The following ANKRD55 variants were observed in gnomAD, a reference collection of about 807,000 sequenced individuals.
ANKRD55 encodes the protein ankyrin repeat domain-containing protein 55.
Under a neutral mutation model 60.6 loss-of-function variants are expected in ANKRD55, and 41 were observed. The observed-to-expected ratio is 0.68, with a 90% CI of 0.53 to 0.88. The LOEUF is 0.88. ANKRD55 is among the 40% of genes least tolerant of loss of function. The probability of loss-of-function intolerance (pLI) is 0.00; values close to 1 mark genes in which losing one functional copy is unlikely to be tolerated. For missense variants in ANKRD55, 732 were observed against 767.6 expected (o/e 0.95, Z 0.55); for synonymous variants, 264 against 290.3 (o/e 0.91, Z 0.92).
chr5:56,225,133 C>T (rs1760075353), intron 2 of ANKRD55, among the ~76,000 whole-genome samples: 1 of 152,166 alleles, frequency 6.6e-6, no homozygotes, highest in Admixed American at 6.5e-5. Context: ...AGCTTATCCA[C>T]CATGATCAAG....
intron 7 of ANKRD55, 183 bp from the exon 8 acceptor site, chr5:56,127,289 T>G (rs1396631944): frequency 1.0e-6 from 1 of 985,086 alleles, no homozygotes. Flanking sequence ...CTCCAACAAG[T>G]GTCCACTTGT....
intron 7 of ANKRD55, chr5:56,127,554 T>C: frequency 1.0e-6 from 1 of 984,144 alleles, no homozygotes; most frequent in Non-Finnish European, 1.2e-6. Flanking sequence ...TGAGTACTGA[T>C]TGGTGGCGCA....
chr5:56,124,836 T>C (rs543569973), intron 8 of ANKRD55, among the ~76,000 whole-genome samples: 4 of 152,302 alleles, frequency 2.6e-5, no homozygotes, highest in African/African-American at 9.6e-5. Flanking sequence ...CAGAAGCTTA[T>C]AGCTTCAGCA....
intron 2 of ANKRD55, among the ~76,000 whole-genome samples, chr5:56,222,054 G>A (rs1445234517): frequency 1.3e-5 from 2 of 152,040 alleles, no homozygotes; most frequent in Non-Finnish European, 2.9e-5. Context: ...CTCCTCAAGT[G>A]GGTCCCTGAC....
chr5:56,223,744 A>G (rs1760030773), intron 2 of ANKRD55, among the ~76,000 whole-genome samples: 1 of 152,360 alleles, frequency 6.6e-6, no homozygotes, highest in South Asian at 2.1e-4. Flanking sequence ...GAGACAAAGA[A>G]GGCCATTACA....
rs545087745 is a variant in ANKRD55 at position 56,119,965 on chromosome 5, G to A, written c.798-3183C>T. On this transcript the variant is annotated intron_variant, in intron 8 of 11. Coordinates refer to ENST00000341048, the MANE Select transcript of ANKRD55 (RefSeq NM_024669.3). Reference sequence around the variant, plus strand: ...AAAACCTGTGTGTGTGTCTATATGCGTATTTTGGTATGTGCAGTGAGGTCA... The same window carrying A: ...AAAACCTGTGTGTGTGTCTATATGCATATTTTGGTATGTGCAGTGAGGTCA... Among the ~76,000 whole-genome samples the A allele has an allele frequency of 5.3e-5, 8 of 151,726 alleles. No homozygotes were observed. In the East Asian group the frequency reaches 9.7e-4, roughly 18 times the overall value.
At chr5:56,124,285 A>G (rs1186201991) in intron 8 of ANKRD55, among the ~76,000 whole-genome samples, 2 of 152,130 alleles carry the variant, frequency 1.3e-5, no homozygotes, top group Admixed American at 1.3e-4. Flanking sequence ...TTTAAGTACC[A>G]TAGACTTATG....
chr5:56,122,402 G>A (rs1757093582), intron 8 of ANKRD55, among the ~76,000 whole-genome samples: 1 of 152,076 alleles, frequency 6.6e-6, no homozygotes, highest in Non-Finnish European at 1.5e-5. Context: ...TAGAATCCCA[G>A]CACTTCGGGA....
intron 6 of ANKRD55, among the ~76,000 whole-genome samples, chr5:56,159,133 C>T (rs1285938274): frequency 6.6e-6 from 1 of 152,240 alleles, no homozygotes; most frequent in African/African-American, 2.4e-5. Context: ...CTGGCACGCG[C>T]CACTACACCC....
chr5:56,217,599 A>T (rs1378989059), intron 2 of ANKRD55, among the ~76,000 whole-genome samples: 1 of 152,230 alleles, frequency 6.6e-6, no homozygotes, highest in Non-Finnish European at 1.5e-5. Context: ...ACTATTCAAG[A>T]TACCCTTAAA....
intron 2 of ANKRD55, among the ~76,000 whole-genome samples, chr5:56,213,135 T>C (rs1759718089): frequency 6.6e-6 from 1 of 152,216 alleles, no homozygotes; most frequent in Non-Finnish European, 1.5e-5. Flanking sequence ...CTAAAGAGTA[T>C]ATACAATTTT....
intron 2 of ANKRD55, among the ~76,000 whole-genome samples, chr5:56,203,605 G>T (rs1277039404): frequency 2.0e-5 from 3 of 151,998 alleles, no homozygotes; most frequent in African/African-American, 4.8e-5. Context: ...TTGTCCTTTC[G>T]ATAGTTTGCT....
At chr5:56,166,137 T>TCTTC (rs1758460843) in intron 5 of ANKRD55, among the ~76,000 whole-genome samples, 1 of 103,514 alleles carries the variant, frequency 9.7e-6, no homozygotes, top group Non-Finnish European at 1.8e-5. Flanking sequence ...TTTCTTTCTT[T>TCTTC]CTTTCTTTCT....
intron 3 of ANKRD55, among the ~76,000 whole-genome samples, chr5:56,181,796 G>A (rs1203811377): frequency 6.6e-6 from 1 of 152,170 alleles, no homozygotes; most frequent in African/African-American, 2.4e-5. Context: ...CACCGTGTTG[G>A]CCAGGCCGGT....
intron 2 of ANKRD55, chr5:56,192,518 A>G: frequency 3.4e-6 from 1 of 297,056 alleles, no homozygotes; most frequent in South Asian, 4.3e-5. Context: ...AGAGGGAGCC[A>G]CGGCCGATGA....
chr5:56,228,540 C>T (rs1760173660), intron 2 of ANKRD55, among the ~76,000 whole-genome samples: 1 of 151,988 alleles, frequency 6.6e-6, no homozygotes, highest in Admixed American at 6.6e-5. Flanking sequence ...ATTCTTGTGC[C>T]TCAGCCTCCC....
chr5:56,122,284 G>A (rs926328809), intron 8 of ANKRD55, among the ~76,000 whole-genome samples: 2 of 152,168 alleles, frequency 1.3e-5, no homozygotes, highest in African/African-American at 4.8e-5. Context: ...ATTAGCCCTG[G>A]CCATCAGGTC....
chr5:56,192,059 A>G (rs1164808379), intron 2 of ANKRD55, among the ~76,000 whole-genome samples: 4 of 152,100 alleles, frequency 2.6e-5, no homozygotes, highest in Non-Finnish European at 4.4e-5. Context: ...TAAGATGTCT[A>G]AAAGATCTAC....
intron 2 of ANKRD55, among the ~76,000 whole-genome samples, chr5:56,232,469 T>C (rs1371555581): frequency 6.6e-6 from 1 of 152,202 alleles, no homozygotes; most frequent in Non-Finnish European, 1.5e-5. Flanking sequence ...GATGTGTTCT[T>C]ACATTGCTTA....
Sources: gnomAD v4.1 joint callset for allele counts (sites outside exome capture counted in the v4.1 genomes callset) on GRCh38, gnomAD v4.1.1 for gene constraint, MANE v1.5 for transcripts, NCBI Gene and HGNC (gene_info 2026-07-23, HGNC 2026-07-21) for gene names.